Variants in PSMD1 observed in about 807,000 individuals in gnomAD.
PSMD1 encodes proteasome 26S subunit, non-ATPase 1.
In PSMD1, 18 loss-of-function variants were observed where a neutral mutation model predicts 119.0. The observed-to-expected ratio is 0.15, with a 90% CI of 0.10 to 0.22. The LOEUF is 0.22. Among genes scored for constraint, PSMD1 ranks in the 10% least tolerant of loss-of-function variants. The pLI is 1.00. For synonymous variants in PSMD1, 374 were observed against 396.6 expected, an observed-to-expected ratio of 0.94 and a Z score of 0.68; for missense variants, 702 against 1,158.5, an observed-to-expected ratio of 0.61 and a Z score of 5.72.
At chr2:231,157,430 C>CT (rs756874279) in intron 19 of PSMD1, among the ~76,000 whole-genome samples, 8,045 of 128,806 alleles carry the variant, frequency 0.062, 258 homozygotes, top group Middle Eastern at 0.13. Context: ...TTTTCTTTTT[C>CT]TTTTTTTTTT....
At chr2:231,099,515 G>A (rs527341946) in intron 16 of PSMD1, among the ~76,000 whole-genome samples, 1 of 152,294 alleles carries the variant, frequency 6.6e-6, no homozygotes, top group South Asian at 2.1e-4. Flanking sequence ...GTTTTAGCAT[G>A]AGACCTAGGG....
intron 16 of PSMD1, among the ~76,000 whole-genome samples, chr2:231,127,511 C>T (rs546358854): frequency 2.6e-5 from 4 of 152,244 alleles, no homozygotes; most frequent in South Asian, 4.2e-4. Context: ...CCTGCCACCA[C>T]GCCTGGCTAA....
intron 20 of PSMD1, chr2:231,163,349 C>T: frequency 3.4e-6 from 1 of 292,848 alleles, no homozygotes; most frequent in Non-Finnish European, 6.4e-6. Flanking sequence ...ATCTGATGCT[C>T]ACACCATGAA....
chr2:231,146,320 C>G lies in PSMD1; in HGVS notation c.2079C>G (p.Leu693=). 8.7e-6 allele frequency: 14 copies of G among 1,613,748 alleles called. No individual in the cohort carries two copies. Among genetic ancestry groups the G allele is most frequent in the Non-Finnish European group, 1.2e-5 (14 of 1,179,740 alleles). The change falls in exon 18 of 25, where the codon CTC becomes CTG. Residue 693 remains leucine, a synonymous_variant. Coordinates refer to ENST00000308696, the MANE Select transcript of PSMD1 (RefSeq NM_002807.4). ...AAGGGGCACTCATAGCTTCAGCTCT[C>G]ATCATGATCCAGCAGACTGAAATCA... The part of the protein sequence containing the change: ...VRQGALIASA[L]IMIQQTEITC...
At chr2:231,086,304 A>G (rs1241966865) in intron 15 of PSMD1, among the ~76,000 whole-genome samples, 1 of 152,130 alleles carries the variant, frequency 6.6e-6, no homozygotes, top group Non-Finnish European at 1.5e-5. Flanking sequence ...TTGGCCTCTC[A>G]AAAGTGCTAG....
At chr2:231,109,822 C>T (rs1157548400) in intron 16 of PSMD1, among the ~76,000 whole-genome samples, 1 of 152,144 alleles carries the variant, frequency 6.6e-6, no homozygotes, top group African/African-American at 2.4e-5. Context: ...CTTCAGAGTA[C>T]ATTTATTCAA....
chr2:231,061,658 C>G (rs1465498533), intron 2 of PSMD1, among the ~76,000 whole-genome samples: 1 of 151,836 alleles, frequency 6.6e-6, no homozygotes, highest in Non-Finnish European at 1.5e-5. Flanking sequence ...TGACCTCCTA[C>G]ACTCAAATGA....
intron 16 of PSMD1, among the ~76,000 whole-genome samples, chr2:231,105,673 T>A (rs753085650): frequency 3.9e-5 from 6 of 152,160 alleles, no homozygotes; most frequent in Non-Finnish European, 7.4e-5. Flanking sequence ...TCTTGCAAGA[T>A]GAACAACAGA....
chr2:231,056,950 A>G lies in PSMD1; in HGVS notation c.-76A>G. The G allele has an allele frequency of 6.5e-7, 1 of 1,529,746 alleles. No homozygotes were observed. 94.8% of individuals were successfully genotyped at this position (1,529,746 alleles called of 1,614,324 possible). ...GGGAGCAAGGAGGCGCGGTGAACTG[A>G]GCGGCCCCTGAGCTGACAGATACAC... On this transcript the variant is annotated 5_prime_UTR_variant, in exon 1 of 25. Coordinates refer to ENST00000308696, the MANE Select transcript of PSMD1 (RefSeq NM_002807.4).
Position 231,170,151 on chromosome 2 carries a change from G to T in PSMD1, c.2716-415G>T, listed in dbSNP as rs1280873225. On this transcript the variant is annotated intron_variant, in intron 23 of 24. Transcript: ENST00000308696. This position sits in a 1 kb window ranked among gnomAD's most constrained non-coding sequence, Gnocchi z 4.1. ...AATGCAGATTCTGCAGATCTAGGGT[G>T]GGGCCAGCTTTTCTGCATTTTTAAC... 1.3e-5 allele frequency among the ~76,000 whole-genome samples: 2 copies of T among 152,192 alleles called. No individual in the cohort carries two copies. The highest frequency in any genetic ancestry group is 3.8e-4 in the East Asian group (2 of 5,202).
At chr2:231,146,654 T>C (rs1272736891) in intron 18 of PSMD1, among the ~76,000 whole-genome samples, 4 of 152,214 alleles carry the variant, frequency 2.6e-5, no homozygotes, top group African/African-American at 9.6e-5. Flanking sequence ...CCTTTCACTG[T>C]CCTTTTAAAA....
chr2:231,098,529 C>G (rs1694781609), intron 16 of PSMD1, among the ~76,000 whole-genome samples: 2 of 151,708 alleles, frequency 1.3e-5, no homozygotes, highest in Admixed American at 1.3e-4. Context: ...TTCTCTTTCT[C>G]TCTCTGCCTC....
At chr2:231,068,623 A>G (rs1420972139) in intron 5 of PSMD1, among the ~76,000 whole-genome samples, 3 of 152,218 alleles carry the variant, frequency 2.0e-5, no homozygotes, top group East Asian at 1.9e-4. Flanking sequence ...ATCTCTCACC[A>G]TCTCTTTCCA....
At chr2:231,103,020 G>A (rs1243954783) in intron 16 of PSMD1, among the ~76,000 whole-genome samples, 1 of 152,220 alleles carries the variant, frequency 6.6e-6, no homozygotes, top group African/African-American at 2.4e-5. Context: ...CAGGTTCCCT[G>A]GGAGTGAATC....
At position 231,057,012 on chromosome 2, in the gene PSMD1, T is replaced by C; in HGVS notation, c.-14T>C. 6.5e-7 allele frequency: 1 copy of C among 1,538,710 alleles called. No individual in the cohort carries two copies. The highest frequency in any genetic ancestry group is 8.7e-7 in the Non-Finnish European group (1 of 1,143,890). ...AACGGCGAGCGAGCCGACGGGCGAGTGAGGGGCGCAGCCATGATCACCTCG... is the reference window on the plus strand; with the variant it reads ...AACGGCGAGCGAGCCGACGGGCGAGCGAGGGGCGCAGCCATGATCACCTCG... On this transcript the variant is annotated 5_prime_UTR_variant, in exon 1 of 25. Coordinates refer to ENST00000308696, the MANE Select transcript of PSMD1 (RefSeq NM_002807.4).
intron 16 of PSMD1, chr2:231,113,970 A>G: frequency 1.9e-6 from 3 of 1,547,110 alleles, no homozygotes; most frequent in Non-Finnish European, 2.7e-6. Context: ...TATTCTATAA[A>G]ATGGCAACTT....
At chr2:231,138,225 C>G (rs1696018243) in intron 16 of PSMD1, among the ~76,000 whole-genome samples, 1 of 152,170 alleles carries the variant, frequency 6.6e-6, no homozygotes, top group Non-Finnish European at 1.5e-5. Context: ...AAAATAATTG[C>G]TAAAGCAAAA....
chr2:231,094,070 G>A (rs1559227409), intron 16 of PSMD1, among the ~76,000 whole-genome samples: 1 of 152,126 alleles, frequency 6.6e-6, no homozygotes, highest in Non-Finnish European at 1.5e-5. Flanking sequence ...CTAAATTTAG[G>A]ATGTGAGTAA....
intron 16 of PSMD1, among the ~76,000 whole-genome samples, chr2:231,096,339 G>T (rs1479510774): frequency 6.6e-6 from 1 of 152,128 alleles, no homozygotes; most frequent in African/African-American, 2.4e-5. Flanking sequence ...GTTAATGGCG[G>T]GGCTGAGGGA....
Sources: gnomAD v4.1 joint callset for allele counts (sites outside exome capture counted in the v4.1 genomes callset) on GRCh38, gnomAD v4.1.1 for gene constraint, Gnocchi (gnomAD v3.1) non-coding constraint, MANE v1.5 for transcripts, NCBI Gene and HGNC (gene_info 2026-07-23, HGNC 2026-07-21) for gene names.